The following CAST variants were observed in gnomAD, a reference collection of about 807,000 sequenced individuals.
CAST encodes the protein MIR583 host.
A neutral mutation model predicts 119.6 loss-of-function variants in CAST; 76 were observed. The observed-to-expected ratio is 0.64, with a 90% confidence interval of 0.53 to 0.77. The LOEUF is 0.77. Among genes scored for constraint, CAST ranks in the 30% least tolerant of loss-of-function variants. CAST has a pLI of 0.00. For missense variants in CAST, 953 were observed against 946.5 expected (o/e 1.01, Z -0.09); for synonymous variants, 319 against 331.6 (o/e 0.96, Z 0.41).
At chr5:96,326,877 T>C in the CAST span, among the ~76,000 whole-genome samples, 6 of 152,170 alleles carry the variant, frequency 3.9e-5, no homozygotes, top group Non-Finnish European at 1.5e-5. Context: ...TCAACACTGA[T>C]TCAAATGTCA....
chr5:96,648,108 C>T (rs951261702), intron 1 of CAST, among the ~76,000 whole-genome samples: 14 of 152,218 alleles, frequency 9.2e-5, no homozygotes, highest in African/African-American at 3.4e-4. Flanking sequence ...TATCACTTCT[C>T]TCTGTGTGAA....
chr5:96,454,564 C>T, the CAST span, among the ~76,000 whole-genome samples: 1 of 152,200 alleles, frequency 6.6e-6, no homozygotes, highest in African/African-American at 2.4e-5. Context: ...TCGCCATACA[C>T]ATCAAGGCAA....
chr5:96,183,318 G>A, the CAST span, among the ~76,000 whole-genome samples: 1 of 151,520 alleles, frequency 6.6e-6, no homozygotes, highest in East Asian at 1.9e-4. Flanking sequence ...CTATTTACCA[G>A]TTTCCTGGCT....
intron 2 of CAST, among the ~76,000 whole-genome samples, chr5:96,686,695 A>G (rs1218933542): frequency 6.6e-6 from 1 of 152,194 alleles, no homozygotes; most frequent in South Asian, 2.1e-4. Context: ...CTTCCAATGT[A>G]TGTAGATTTA....
the CAST span, among the ~76,000 whole-genome samples, chr5:96,196,558 T>A: frequency 0.014 from 2,076 of 152,212 alleles, 52 homozygotes; most frequent in African/African-American, 0.047. Flanking sequence ...TTGAAAAAGG[T>A]AGTAATACTT....
At chr5:96,713,226 A>G (rs56257788) in intron 3 of CAST, among the ~76,000 whole-genome samples, 17,182 of 148,666 alleles carry the variant, frequency 0.12, 1,114 homozygotes, top group Middle Eastern at 0.18. Context: ...CTGCCTCCTG[A>G]GTTCAAGTGA....
intron 1 of CAST, among the ~76,000 whole-genome samples, chr5:96,581,503 T>C (rs1184585403): frequency 6.6e-6 from 1 of 152,246 alleles, no homozygotes; most frequent in African/African-American, 2.4e-5. Context: ...ACATATACTT[T>C]GGTTTGTCAA....
the CAST span, among the ~76,000 whole-genome samples, chr5:96,191,614 G>A: frequency 6.6e-6 from 1 of 152,196 alleles, no homozygotes; most frequent in Non-Finnish European, 1.5e-5. Flanking sequence ...AATAATAGCT[G>A]AGATGGAGTC....
the CAST span, among the ~76,000 whole-genome samples, chr5:96,248,194 C>T: frequency 3.9e-5 from 6 of 152,144 alleles, no homozygotes; most frequent in African/African-American, 1.4e-4. Flanking sequence ...TCTCTCTCTC[C>T]CCTTTGCTCT....
chr5:96,306,206 T>G, the CAST span, among the ~76,000 whole-genome samples: 1 of 152,214 alleles, frequency 6.6e-6, no homozygotes, highest in Non-Finnish European at 1.5e-5. Context: ...ATTTATCTAT[T>G]TCTTCTAGAT....
the CAST span, among the ~76,000 whole-genome samples, chr5:96,519,195 G>T: frequency 1.3e-5 from 2 of 152,162 alleles, no homozygotes; most frequent in African/African-American, 4.8e-5. Flanking sequence ...ATGAGTACTT[G>T]GCAGAGAGTG....
At chr5:96,660,201 TCTC>T (rs994146064), upstream of CAST, among the ~76,000 whole-genome samples, 32 of 152,066 alleles carry the variant, frequency 2.1e-4, no homozygotes, top group Admixed American at 4.6e-4. Context: ...CCCCACCCCT[TCTC>T]CTTCTGTTCA....
chr5:96,727,671 CT>C, intron 6 of CAST, 141 bp downstream of exon 6: 1 of 489,310 alleles, frequency 2.0e-6, no homozygotes, highest in Non-Finnish European at 3.6e-6. Flanking sequence ...TTTTGAATGG[CT>C]GTGTACATGT....
At chr5:96,687,985 G>A (rs1423944374) in intron 2 of CAST, among the ~76,000 whole-genome samples, 7 of 152,168 alleles carry the variant, frequency 4.6e-5, no homozygotes, top group African/African-American at 1.7e-4. Flanking sequence ...CAATAAGAAA[G>A]GTTAGACATT....
chr5:96,173,890 C>T, the CAST span, among the ~76,000 whole-genome samples: 1 of 151,906 alleles, frequency 6.6e-6, no homozygotes, highest in Non-Finnish European at 1.5e-5. Context: ...AGGTGGCGCC[C>T]GCCACCACGC....
chr5:96,436,570 C>CAA, the CAST span, among the ~76,000 whole-genome samples: 4 of 151,902 alleles, frequency 2.6e-5, no homozygotes, highest in Admixed American at 2.6e-4. Context: ...AACTTTTTTG[C>CAA]AAAATTCTAT....
chr5:96,392,770 T>C, the CAST span: 1 of 574,558 alleles, frequency 1.7e-6, no homozygotes. Flanking sequence ...ACACTTCACT[T>C]GTGCAGACAG....
the CAST span, among the ~76,000 whole-genome samples, chr5:96,266,247 A>G: frequency 4.6e-5 from 7 of 152,154 alleles, no homozygotes; most frequent in Non-Finnish European, 1.0e-4. Flanking sequence ...TCTGGCAACA[A>G]GAGTGATTAA....
chr5:96,338,720 C>T, the CAST span, among the ~76,000 whole-genome samples: 3 of 152,268 alleles, frequency 2.0e-5, no homozygotes, highest in African/African-American at 4.8e-5. Flanking sequence ...CTCTGGATGC[C>T]GTGCCCAGAG....
Sources: gnomAD v4.1 joint callset for allele counts (sites outside exome capture counted in the v4.1 genomes callset) on GRCh38, gnomAD v4.1.1 for gene constraint, MANE v1.5 for transcripts, NCBI Gene and HGNC (gene_info 2026-07-23, HGNC 2026-07-21) for gene names.